The following C11orf97 variants were observed in gnomAD, a reference collection of about 807,000 sequenced individuals.
The protein encoded by C11orf97 is chromosome 11 open reading frame 97.
C11orf97 carries 15 observed loss-of-function variants against 16.2 expected under a neutral mutation model. The observed-to-expected ratio is 0.93, with a 90% confidence interval of 0.62 to 1.43. The LOEUF (loss-of-function observed/expected upper bound fraction) is 1.43. C11orf97 is among the 40% of genes most tolerant of loss of function. The pLI is 0.00. For missense variants in C11orf97, 171 were observed against 161.2 expected (o/e 1.06, Z -0.33); for synonymous variants, 61 against 65.7 (o/e 0.93, Z 0.34).
At chr11:94,520,305 A>G (rs1274981014) in intron 2 of C11orf97, among the ~76,000 whole-genome samples, 1 of 152,112 alleles carries the variant, frequency 6.6e-6, no homozygotes, top group Non-Finnish European at 1.5e-5. Flanking sequence ...GTAGGTCACA[A>G]TGCTCCAATT....
chr11:94,519,172 T>A (rs1462075218), intron 2 of C11orf97, among the ~76,000 whole-genome samples: 1 of 152,216 alleles, frequency 6.6e-6, no homozygotes, highest in East Asian at 1.9e-4. Context: ...CCTCCCAATG[T>A]GCTGGCATTA....
chr11:94,528,047 C>A, intron 2 of C11orf97, 37 bp from the exon 3 acceptor site: 1 of 1,498,474 alleles, frequency 6.7e-7, no homozygotes, highest in Non-Finnish European at 8.9e-7. Context: ...AGAGAATACG[C>A]TAATAATTAT....
intron 2 of C11orf97, among the ~76,000 whole-genome samples, chr11:94,526,527 A>G (rs1195858117): frequency 6.6e-6 from 1 of 152,254 alleles, no homozygotes. Flanking sequence ...TCCTGATTTT[A>G]TACTGCTTTC....
intron 2 of C11orf97, among the ~76,000 whole-genome samples, chr11:94,520,490 T>C (rs1479069286): frequency 6.6e-6 from 1 of 152,216 alleles, no homozygotes; most frequent in Non-Finnish European, 1.5e-5. Context: ...TTTTTATTTC[T>C]ACCCTATACT....
At chr11:94,531,170 C>A (rs192328428) in intron 3 of C11orf97, among the ~76,000 whole-genome samples, 1 of 152,252 alleles carries the variant, frequency 6.6e-6, no homozygotes, top group East Asian at 1.9e-4. Context: ...AGGTTTTATT[C>A]ATTTACTTTT....
At chr11:94,521,057 T>TA (rs1947653699) in intron 2 of C11orf97, among the ~76,000 whole-genome samples, 1 of 152,324 alleles carries the variant, frequency 6.6e-6, no homozygotes, top group South Asian at 2.1e-4. Context: ...TCAGGACATT[T>TA]AAAGGTCACC....
At position 94,523,735 on chromosome 11, in the gene C11orf97, C is replaced by T. The variant is rs1478206691; in HGVS notation, c.251-4349C>T. On this transcript the variant is annotated intron_variant, in intron 2 of 3. Transcript: ENST00000542198. The stretch of plus-strand genomic sequence containing the variant: ...GAACATTATATTTCTTTTGGGATAC[C>T]GTTGGTTGCATAGCTAGCGGGACAC... Among the ~76,000 whole-genome samples, 4 of 152,032 alleles carry T rather than the reference C, an allele frequency of 2.6e-5. No individual in the cohort carries two copies. The East Asian group carries it at 5.8e-4, about 22-fold the overall frequency.
intron 3 of C11orf97, among the ~76,000 whole-genome samples, chr11:94,530,192 T>C (rs1177087353): frequency 6.6e-6 from 1 of 152,210 alleles, no homozygotes; most frequent in Non-Finnish European, 1.5e-5. Flanking sequence ...CTCCCGCTCA[T>C]TTGTACTCAT....
intron 1 of C11orf97, among the ~76,000 whole-genome samples, chr11:94,513,901 G>A (rs984796956): frequency 6.6e-6 from 1 of 152,138 alleles, no homozygotes. Flanking sequence ...TCAGCCTCCT[G>A]GGTTCAAGCA....
chr11:94,528,722 T>A (rs989017202), intron 3 of C11orf97, among the ~76,000 whole-genome samples: 12 of 152,162 alleles, frequency 7.9e-5, no homozygotes, highest in Non-Finnish European at 2.9e-5. Flanking sequence ...AAAATATTAC[T>A]CATTCCTCAC....
At chr11:94,528,634 T>A (rs1947716908) in intron 3 of C11orf97, among the ~76,000 whole-genome samples, 1 of 152,188 alleles carries the variant, frequency 6.6e-6, no homozygotes. Context: ...CTCTCTTAGT[T>A]TCACCCTATT....
intron 1 of C11orf97, among the ~76,000 whole-genome samples, chr11:94,513,584 C>T (rs1342451044): frequency 6.6e-6 from 1 of 152,192 alleles, no homozygotes; most frequent in African/African-American, 2.4e-5. Context: ...TGAAGCACCT[C>T]CATACTTGTG....
rs569188940 is a variant in C11orf97 at position 94,512,672 on chromosome 11, G to C, written c.144G>C (p.Gln48His). The change falls in exon 1 of 4, where the codon CAG becomes CAC. Residue 48 changes from glutamine (Q) to histidine (H), a missense_variant and splice_region_variant. By Grantham distance (24) the Gln-to-His change is conservative. Coordinates refer to ENST00000542198, the MANE Select transcript of C11orf97 (RefSeq NM_001190462.2). Reference protein sequence around the residue: ...PGRGPLEHGQQWKKFLYCEPH... With the variant: ...PGRGPLEHGQHWKKFLYCEPH... ...GCGGCCCCCTAGAGCACGGCCAGCA[G>C]TGTGAGTTCAGCTCCAGCCGCGGAC... is the stretch of plus-strand genomic sequence containing the variant. The C allele has an allele frequency of 4.0e-6, 5 of 1,239,926 alleles. No individual in the cohort carries two copies. The South Asian group carries it at 1.8e-4, about 45-fold the overall frequency. The allele number at this position is 1,239,926 out of a possible 1,614,324, so 76.8% of individuals were successfully genotyped here.
chr11:94,529,286 G>A (rs1447768593), intron 3 of C11orf97, among the ~76,000 whole-genome samples: 1 of 152,112 alleles, frequency 6.6e-6, no homozygotes, highest in Non-Finnish European at 1.5e-5. Flanking sequence ...GGGTCCCCAG[G>A]GGGCCAGGGA....
chr11:94,530,154 T>C (rs1947727412), intron 3 of C11orf97, among the ~76,000 whole-genome samples: 1 of 152,212 alleles, frequency 6.6e-6, no homozygotes, highest in Admixed American at 6.5e-5. Flanking sequence ...ATTCCTTTCA[T>C]CCATACAATT....
At chr11:94,515,779 A>G (rs954887641) in intron 1 of C11orf97, among the ~76,000 whole-genome samples, 1 of 150,928 alleles carries the variant, frequency 6.6e-6, no homozygotes, top group African/African-American at 2.4e-5. Flanking sequence ...AGCAGGAGAT[A>G]TTTACCCGTA....
At chr11:94,530,427 T>C (rs774494482) in intron 3 of C11orf97, among the ~76,000 whole-genome samples, 1 of 152,230 alleles carries the variant, frequency 6.6e-6, no homozygotes, top group Non-Finnish European at 1.5e-5. Flanking sequence ...GAATTAAACC[T>C]TTCTCATTAT....
Position 94,528,210 on chromosome 11 carries a change from G to GT in C11orf97, c.376+2dup, listed in dbSNP as rs1448165681. 4 of 1,531,936 alleles carry GT rather than the reference G, an allele frequency of 2.6e-6. No individual in the cohort carries two copies. The highest frequency in any genetic ancestry group is 3.5e-6 in the Non-Finnish European group (4 of 1,145,698). 94.9% of individuals were successfully genotyped at this position (1,531,936 alleles called of 1,614,324 possible). ...TACTCCAGGCACGGAGGACTCAGAA[G>GT]TAAGACCCTGATGCCCTTGACTTCC... On this transcript the variant is annotated splice_donor_variant, in intron 3 of 3. Transcript: ENST00000542198. LOFTEE classifies it high-confidence loss of function.
intron 2 of C11orf97, among the ~76,000 whole-genome samples, chr11:94,522,467 G>A (rs1009125597): frequency 1.3e-5 from 2 of 152,200 alleles, no homozygotes; most frequent in African/African-American, 4.8e-5. Flanking sequence ...AACCCGGGAG[G>A]TGGAGCTTGC....
Sources: allele counts gnomAD v4.1 joint callset (sites outside exome capture counted in the v4.1 genomes callset), GRCh38; gene constraint gnomAD v4.1.1; transcripts MANE v1.5; gene names NCBI Gene and HGNC (gene_info 2026-07-23, HGNC 2026-07-21).